Variants in SLCO1A2 observed in about 807,000 individuals in gnomAD.
SLCO1A2 encodes the protein solute carrier organic anion transporter family member 1A2, also known as OATP-1.
In SLCO1A2, 67 loss-of-function variants were observed where a neutral mutation model predicts 69.0. The observed-to-expected ratio is 0.97, with a 90% CI of 0.80 to 1.19. The LOEUF is 1.19. Among genes scored for constraint, SLCO1A2 ranks in the 50% most tolerant of loss-of-function variants. The pLI, the probability that SLCO1A2 is intolerant of heterozygous loss-of-function variation, is 0.00. For missense variants in SLCO1A2, 787 were observed against 793.7 expected (o/e 0.99, Z 0.10); for synonymous variants, 260 against 265.9 (o/e 0.98, Z 0.22).
intron 6 of SLCO1A2, among the ~76,000 whole-genome samples, chr12:21,302,664 C>A (rs1390912112): frequency 6.6e-6 from 1 of 151,774 alleles, no homozygotes; most frequent in Non-Finnish European, 1.5e-5. Context: ...TCAAGTGATT[C>A]TCCTGTCTCA....
intron 1 of SLCO1A2, among the ~76,000 whole-genome samples, chr12:21,387,233 G>C (rs554505009): frequency 2.0e-5 from 3 of 152,272 alleles, no homozygotes; most frequent in Non-Finnish European, 4.4e-5. Context: ...CATTTTCTGG[G>C]GACAAATTCA....
intron 14 of SLCO1A2, among the ~76,000 whole-genome samples, chr12:21,272,158 T>TTAAC (rs1942988311): frequency 2.0e-5 from 3 of 151,860 alleles, no homozygotes; most frequent in South Asian, 2.1e-4. Flanking sequence ...ATACTTTTTT[T>TTAAC]TAACTTTTTA....
intron 12 of SLCO1A2, among the ~76,000 whole-genome samples, chr12:21,276,704 CA>C (rs1943926394): frequency 6.6e-6 from 1 of 152,158 alleles, no homozygotes; most frequent in Non-Finnish European, 1.5e-5. Context: ...GCAGTGGCCA[CA>C]TGGCATGGAG....
At chr12:21,360,156 G>T (rs1474106546) in intron 2 of SLCO1A2, among the ~76,000 whole-genome samples, 1 of 152,134 alleles carries the variant, frequency 6.6e-6, no homozygotes, top group African/African-American at 2.4e-5. Flanking sequence ...AGAAGGAAAT[G>T]AGGAAGTGTA....
chr12:21,415,631 G>A (rs1941976942), intron 1 of SLCO1A2, among the ~76,000 whole-genome samples: 1 of 151,988 alleles, frequency 6.6e-6, no homozygotes, highest in Non-Finnish European at 1.5e-5. Flanking sequence ...TGTTGCAATT[G>A]AGGAACCTGA....
intron 2 of SLCO1A2, among the ~76,000 whole-genome samples, chr12:21,326,816 G>A (rs1952276673): frequency 6.6e-6 from 1 of 152,156 alleles, no homozygotes; most frequent in South Asian, 2.1e-4. Context: ...GTTTGAAATT[G>A]GAACTTATGT....
chr12:21,412,729 G>C (rs991358859), intron 1 of SLCO1A2, among the ~76,000 whole-genome samples: 3 of 152,144 alleles, frequency 2.0e-5, no homozygotes, highest in Non-Finnish European at 4.4e-5. Context: ...TAAAGTGAAG[G>C]CCTCAGGTTC....
At position 21,270,808 on chromosome 12, in the gene SLCO1A2, ATATTAGCTTTTTCATCCTTAATGATGTTT is replaced by A. The variant is rs568721085; in HGVS notation, c.1794-1070_1794-1042del. ...TGTAAGTGTTATAATATCTGTACTT[ATATTAGCTTTTTCATCCTTAATGATGTTT>A]TATTTGTGCCTCCTCTCTTTATTTG... On this transcript the variant is annotated intron_variant, in intron 14 of 14. Transcript: ENST00000683939. 7.9e-3 allele frequency among the ~76,000 whole-genome samples: 1,193 copies of A among 151,642 alleles called. 15 individuals are homozygous for A. The highest frequency in any genetic ancestry group is 0.026 in the African/African-American group (1,079 of 41,486).
intron 2 of SLCO1A2, among the ~76,000 whole-genome samples, chr12:21,332,890 A>C (rs1224333164): frequency 1.3e-5 from 2 of 152,144 alleles, no homozygotes; most frequent in African/African-American, 4.8e-5. Flanking sequence ...CACACAATAC[A>C]TCTAAGCCAA....
chr12:21,318,240 T>C (rs1275684691), intron 3 of SLCO1A2, among the ~76,000 whole-genome samples: 1 of 151,922 alleles, frequency 6.6e-6, no homozygotes, highest in African/African-American at 2.4e-5. Context: ...TGCTTCAGCC[T>C]CCCAAGTAGC....
intron 2 of SLCO1A2, among the ~76,000 whole-genome samples, chr12:21,361,879 G>A (rs922148973): frequency 6.6e-6 from 1 of 152,152 alleles, no homozygotes; most frequent in African/African-American, 2.4e-5. Flanking sequence ...AAGCCTCCAA[G>A]AAATATGGGA....
At chr12:21,306,625 C>A (rs1180820991) in intron 5 of SLCO1A2, among the ~76,000 whole-genome samples, 1 of 152,150 alleles carries the variant, frequency 6.6e-6, no homozygotes, top group Non-Finnish European at 1.5e-5. Flanking sequence ...CTGCACCCGG[C>A]CCTTTGACTC....
intron 6 of SLCO1A2, among the ~76,000 whole-genome samples, chr12:21,304,212 A>G (rs1040600106): frequency 1.6e-4 from 24 of 152,264 alleles, no homozygotes; most frequent in African/African-American, 5.3e-4. Flanking sequence ...GACTTGTGGT[A>G]TTTCCAATAG....
chr12:21,292,207 T>G lies in SLCO1A2; in HGVS notation c.1567A>C (p.Ile523Leu). ...FLILSAMSSF[I>L]YSLAAIPGYM... The stretch of plus-strand genomic sequence containing the variant: ...CCAGGTATGGCAGCCAAAGAATAAA[T>G]GAAACTGCTCATCGCTGACAAGATT... Residue 523 changes from isoleucine to leucine, a missense_variant, in exon 12 of 15, where the codon ATT becomes CTT. Transcript: ENST00000683939. The G allele has an allele frequency of 6.2e-7, 1 of 1,609,990 alleles. No homozygotes were observed. The highest frequency in any genetic ancestry group is 8.5e-7 in the Non-Finnish European group (1 of 1,177,682).
At chr12:21,306,658 A>C (rs532147112) in intron 5 of SLCO1A2, among the ~76,000 whole-genome samples, 1 of 147,970 alleles carries the variant, frequency 6.8e-6, no homozygotes, top group East Asian at 1.9e-4. Flanking sequence ...CATGTTAATA[A>C]ATAAACAAGG....
At chr12:21,319,650 AG>A (rs1951350349) in intron 2 of SLCO1A2, 1 of 367,840 alleles carries the variant, frequency 2.7e-6, no homozygotes. Context: ...TGAACCTTGG[AG>A]AATCAGCTCA....
chr12:21,282,119 G>GA (rs377032786), intron 12 of SLCO1A2, among the ~76,000 whole-genome samples: 14,431 of 116,636 alleles, frequency 0.12, 778 homozygotes, highest in Middle Eastern at 0.17. Context: ...AGACACATAA[G>GA]AAAAAAAAAA....
At chr12:21,309,279 A>G (rs1214911883) in intron 4 of SLCO1A2, among the ~76,000 whole-genome samples, 2 of 152,200 alleles carry the variant, frequency 1.3e-5, no homozygotes, top group Non-Finnish European at 2.9e-5. Context: ...GAAAGAAGGT[A>G]TAGGGGAGAT....
chr12:21,324,832 T>A (rs967988377), intron 2 of SLCO1A2: 32 of 152,182 alleles, frequency 2.1e-4, no homozygotes, highest in Non-Finnish European at 1.5e-4. Flanking sequence ...AGCAGCTCCT[T>A]ACAGAGTCAG....
Sources: gnomAD v4.1 joint callset for allele counts (sites outside exome capture counted in the v4.1 genomes callset) on GRCh38, gnomAD v4.1.1 for gene constraint, MANE v1.5 for transcripts, NCBI Gene and HGNC (gene_info 2026-07-23, HGNC 2026-07-21) for gene names.